The following ALDH9A1 variants were observed in gnomAD, a reference collection of about 807,000 sequenced individuals.
ALDH9A1 encodes 4-trimethylaminobutyraldehyde dehydrogenase.
In ALDH9A1, 42 loss-of-function variants were observed where a neutral mutation model predicts 56.6. That is an observed-to-expected ratio of 0.74 (90% CI 0.58 to 0.96). The LOEUF is 0.96. Among genes scored for constraint, ALDH9A1 ranks in the 40% least tolerant of loss-of-function variants. The pLI, the probability that ALDH9A1 is intolerant of heterozygous loss-of-function variation, is 0.00. For synonymous variants in ALDH9A1, 242 were observed against 236.0 expected (o/e 1.03, Z -0.23); for missense variants, 661 against 651.5 (o/e 1.01, Z -0.16).
chr1:165,686,412 C>T (rs748011681), intron 2 of ALDH9A1, among the ~76,000 whole-genome samples: 18 of 151,772 alleles, frequency 1.2e-4, no homozygotes, highest in Non-Finnish European at 2.4e-4. Context: ...AAGAGCTGCA[C>T]AGATAGAGAA....
chr1:165,675,216 T>TA (rs1228552002), intron 6 of ALDH9A1, among the ~76,000 whole-genome samples: 1 of 151,512 alleles, frequency 6.6e-6, no homozygotes, highest in Non-Finnish European at 1.5e-5. Context: ...AATAATAAAA[T>TA]AAATTCACAT....
At chr1:165,698,162 A>G in intron 1 of ALDH9A1, 2 of 1,280,072 alleles carry the variant, frequency 1.6e-6, no homozygotes, top group Non-Finnish European at 2.0e-6. Context: ...CTACCACGCA[A>G]CTCATCAGCT....
intron 9 of ALDH9A1, among the ~76,000 whole-genome samples, chr1:165,665,847 G>A (rs1226609742): frequency 1.3e-5 from 2 of 152,070 alleles, no homozygotes; most frequent in African/African-American, 4.8e-5. Flanking sequence ...GAAGAGTTTA[G>A]CAGTTCCTCA....
chr1:165,693,029 T>C (rs1355731980), intron 2 of ALDH9A1, among the ~76,000 whole-genome samples: 1 of 151,890 alleles, frequency 6.6e-6, no homozygotes. Flanking sequence ...AAGCTGAAAC[T>C]GGATCCCTTC....
intron 6 of ALDH9A1, chr1:165,676,730 C>G: frequency 2.0e-6 from 1 of 505,482 alleles, no homozygotes; most frequent in South Asian, 1.6e-5. Flanking sequence ...TGTGTGAGAA[C>G]CAACGGGAAG....
At chr1:165,678,365 AAAAT>A (rs560498851) in intron 6 of ALDH9A1, among the ~76,000 whole-genome samples, 248 of 152,280 alleles carry the variant, frequency 1.6e-3, no homozygotes, top group Admixed American at 2.4e-3. Flanking sequence ...ATAAAAATAA[AAAAT>A]AAATAAATAA....
intron 10 of ALDH9A1, among the ~76,000 whole-genome samples, chr1:165,664,373 T>C (rs550666099): frequency 3.2e-4 from 48 of 152,336 alleles, no homozygotes; most frequent in Admixed American, 3.1e-3. Flanking sequence ...CTCAAGGTTC[T>C]GGCTATACTC....
intron 2 of ALDH9A1, 47 bp downstream of exon 2, chr1:165,695,204 AC>A (rs1383159573): frequency 1.3e-6 from 2 of 1,524,520 alleles, no homozygotes; most frequent in African/African-American, 1.4e-5. Context: ...TCACAAAGAA[AC>A]CTCAGAGCAA....
intron 2 of ALDH9A1, among the ~76,000 whole-genome samples, chr1:165,694,069 G>C (rs1468096647): frequency 1.3e-5 from 2 of 151,288 alleles, no homozygotes; most frequent in Admixed American, 1.3e-4. Flanking sequence ...CGTAGGGGGT[G>C]GGGGGCTGGG....
At chr1:165,681,989 G>T in intron 4 of ALDH9A1, 118 bp downstream of exon 4, 1 of 1,374,778 alleles carries the variant, frequency 7.3e-7, no homozygotes, top group South Asian at 1.4e-5. Context: ...ATATCCCAGA[G>T]CAGGCCCCTT....
chr1:165,692,456 C>T (rs1649924697), intron 2 of ALDH9A1, among the ~76,000 whole-genome samples: 1 of 152,162 alleles, frequency 6.6e-6, no homozygotes, highest in South Asian at 2.1e-4. Flanking sequence ...AGTGAACTCC[C>T]ATTCACAATT....
At chr1:165,682,763 C>A (rs1042936528) in intron 3 of ALDH9A1, 19 of 510,912 alleles carry the variant, frequency 3.7e-5, no homozygotes, top group Non-Finnish European at 6.1e-5. Flanking sequence ...GCTTTACATG[C>A]ACTATCTCAT....
chr1:165,670,329 A>C (rs1400636934), intron 6 of ALDH9A1, among the ~76,000 whole-genome samples: 1 of 152,066 alleles, frequency 6.6e-6, no homozygotes, highest in Admixed American at 6.6e-5. Flanking sequence ...GCTACTTGGG[A>C]GGCTAAGGTG....
intron 2 of ALDH9A1, among the ~76,000 whole-genome samples, chr1:165,690,850 A>C (rs555064793): frequency 6.6e-6 from 1 of 152,186 alleles, no homozygotes; most frequent in Non-Finnish European, 1.5e-5. Flanking sequence ...TAGGTAAACA[A>C]AGCAGCCAGG....
At chr1:165,666,696 A>T (rs1314750874) in intron 9 of ALDH9A1, among the ~76,000 whole-genome samples, 2 of 152,218 alleles carry the variant, frequency 1.3e-5, no homozygotes, top group East Asian at 3.9e-4. Flanking sequence ...CATAATCCCA[A>T]GTGTAAAGCC....
At position 165,670,072 on chromosome 1, in the gene ALDH9A1, CATAAA is replaced by C. The variant is rs1339697420; in HGVS notation, c.931-627_931-623del. Among the ~76,000 whole-genome samples the C allele has an allele frequency of 5.3e-5, 8 of 152,098 alleles. No homozygotes were observed. In the South Asian group the frequency reaches 1.4e-3, roughly 28 times the overall value. On this transcript the variant is annotated intron_variant, in intron 6 of 10. Transcript: ENST00000354775. Reference sequence around the variant, plus strand: ...AACAAATCATCAGTAATGTGGAAAACATAAAATAAGATACATATCTTACATCACAT... The same window carrying C: ...AACAAATCATCAGTAATGTGGAAAACATAAGATACATATCTTACATCACAT...
chr1:165,688,021 ATT>A (rs386636364), intron 2 of ALDH9A1, among the ~76,000 whole-genome samples: 392 of 15,500 alleles, frequency 0.025, 2 homozygotes, highest in African/African-American at 0.069. Flanking sequence ...AAGAAAAGAA[ATT>A]AATTAATTCT....
At chr1:165,665,188 C>T (rs3820362) in intron 9 of ALDH9A1, 58 bp from the exon 10 acceptor site, 2 of 1,389,254 alleles carry the variant, frequency 1.4e-6, no homozygotes, top group African/African-American at 1.4e-5. Context: ...ACTACTTTAA[C>T]AGGAAAAGTT....
intron 2 of ALDH9A1, among the ~76,000 whole-genome samples, chr1:165,684,094 T>C (rs147507575): frequency 3.6e-4 from 55 of 152,226 alleles, no homozygotes; most frequent in African/African-American, 1.3e-3. Context: ...TCAGAAAAGA[T>C]GAAAGTAGGA....
Sources: gnomAD v4.1 joint callset for allele counts (sites outside exome capture counted in the v4.1 genomes callset) on GRCh38, gnomAD v4.1.1 for gene constraint, MANE v1.5 for transcripts, NCBI Gene and HGNC (gene_info 2026-07-23, HGNC 2026-07-21) for gene names.